The following SUPT7L variants were observed in gnomAD, a reference collection of about 807,000 sequenced individuals.
The protein encoded by SUPT7L is STAGA complex 65 subunit gamma.
In SUPT7L, 15 loss-of-function variants were observed where a neutral mutation model predicts 35.7. That is an observed-to-expected ratio of 0.42 (90% CI 0.28 to 0.65). The LOEUF (loss-of-function observed/expected upper bound fraction) is 0.65, where lower values mean the gene tolerates loss of function less well. SUPT7L is among the 30% of genes least tolerant of loss of function. SUPT7L has a pLI of 0.23. For synonymous variants in SUPT7L, 168 were observed against 186.2 expected (o/e 0.90, Z 0.79); for missense variants, 434 against 522.2 (o/e 0.83, Z 1.65).
rs920449991 is a variant in SUPT7L, at chr2:27,652,144, T to C, written c.*1341A>G. On this transcript the variant is annotated 3_prime_UTR_variant, in exon 6 of 6. Transcript: ENST00000337768. The stretch of plus-strand genomic sequence containing the variant: ...GCCTGGGTGACAGAGCAAGACTCCA[T>C]CTCAAAAATAAATAAATAAATAAAT... 1.2e-4 allele frequency: 17 copies of C among 147,530 alleles called. No individual in the cohort carries two copies. Among genetic ancestry groups the C allele is most frequent in the African/African-American group, 4.2e-4 (17 of 40,782 alleles). 9.1% of individuals were successfully genotyped at this position (147,530 alleles called of 1,614,324 possible). A position where few individuals can be genotyped will look rare whatever the true frequency, so the allele number is the denominator to read the frequency against.
chr2:27,646,379 A>G (rs1558492708), downstream of SUPT7L, among the ~76,000 whole-genome samples: 3 of 152,198 alleles, frequency 2.0e-5, no homozygotes, highest in Admixed American at 2.0e-4. Context: ...AACCTTCTTC[A>G]TTACTGTTGA....
Position 27,661,351 on chromosome 2 carries a change from TG to T in SUPT7L, c.51del (p.Asn18ThrfsTer52). ...WGEIPISSSQ[T>X]NRSSFDLLPR... ...GGGAGCAAATCGAAGGAACTTCTGTTGGTCTGGCTTGATGATATTGGTATCT... is the reference window on the plus strand; with the variant it reads ...GGGAGCAAATCGAAGGAACTTCTGTTGTCTGGCTTGATGATATTGGTATCT... On this transcript the variant is annotated frameshift_variant, in exon 3 of 6. Transcript: ENST00000337768. LOFTEE classifies it high-confidence loss of function. The T allele has an allele frequency of 6.2e-7, 1 of 1,614,072 alleles. No homozygotes were observed. The highest frequency in any genetic ancestry group is 8.5e-7 in the Non-Finnish European group (1 of 1,180,018).
downstream of SUPT7L, chr2:27,650,050 T>TG: frequency 1.1e-6 from 1 of 869,652 alleles, no homozygotes; most frequent in Non-Finnish European, 2.0e-6. Context: ...GATGGATGGG[T>TG]GACGGGCTCT....
the SUPT7L span, among the ~76,000 whole-genome samples, chr2:27,645,048 G>A: frequency 6.6e-6 from 1 of 152,016 alleles, no homozygotes; most frequent in Admixed American, 6.6e-5. Flanking sequence ...GCTCCCTGCA[G>A]CCTCGAACTA....
At chr2:27,648,948 C>A (rs1177500568), downstream of SUPT7L, among the ~76,000 whole-genome samples, 2 of 150,936 alleles carry the variant, frequency 1.3e-5, no homozygotes, top group Admixed American at 1.3e-4. Context: ...GAATCTGATT[C>A]TTGAAACAAC....
intron 3 of SUPT7L, among the ~76,000 whole-genome samples, chr2:27,659,629 G>A (rs1487039617): frequency 6.6e-6 from 1 of 152,026 alleles, no homozygotes; most frequent in Admixed American, 6.5e-5. Context: ...CTTATTAAAT[G>A]GTACTTAATG....
rs1674651297 is a variant in SUPT7L at position 27,653,482 on chromosome 2, CTTTTA to C, written c.1243_*2del. 1 of 1,612,566 alleles carries C rather than the reference CTTTTA, an allele frequency of 6.2e-7. No homozygotes were observed. The highest frequency in any genetic ancestry group is 1.1e-5 in the South Asian group (1 of 91,046). On this transcript the variant is annotated stop_lost and 3_prime_UTR_variant, in exon 6 of 6. Coordinates refer to ENST00000337768, the MANE Select transcript of SUPT7L (RefSeq NM_014860.3). ...CTGGACAAAACATCTCCCTCTTTTC[CTTTTA>C]TATTTTCCTCATCCTCTTCTTGCAG...
intron 5 of SUPT7L, 96 bp from the exon 6 acceptor site, chr2:27,653,843 C>T: frequency 6.9e-7 from 1 of 1,445,710 alleles, no homozygotes. Context: ...AACTAATATG[C>T]TTTGAGCTCA....
At chr2:27,645,902 G>C (rs751231174), downstream of SUPT7L, among the ~76,000 whole-genome samples, 37 of 151,940 alleles carry the variant, frequency 2.4e-4, no homozygotes, top group South Asian at 4.2e-4. Flanking sequence ...GCTAAATTTT[G>C]TATTTTTAGT....
At chr2:27,653,831 C>G (rs1451798132) in intron 5 of SUPT7L, 84 bp from the exon 6 acceptor site, 1 of 1,518,178 alleles carries the variant, frequency 6.6e-7, no homozygotes, top group African/African-American at 1.4e-5. Context: ...TCACTCAGAA[C>G]CAACTAATAT....
intron 1 of SUPT7L, among the ~76,000 whole-genome samples, chr2:27,662,854 A>G (rs1405268085): frequency 6.6e-6 from 1 of 151,706 alleles, no homozygotes; most frequent in Non-Finnish European, 1.5e-5. Flanking sequence ...GTCATGGTTC[A>G]CTGCAGCCTC....
At chr2:27,654,297 T>C (rs1674694761) in intron 5 of SUPT7L, among the ~76,000 whole-genome samples, 1 of 152,218 alleles carries the variant, frequency 6.6e-6, no homozygotes, top group African/African-American at 2.4e-5. Context: ...TCTCTCTATG[T>C]ATTCTAGCAA....
rs746602273 is a variant in SUPT7L at position 27,657,587 on chromosome 2, G to C, written c.502C>G (p.His168Asp). Residue 168 changes from histidine (H) to aspartate (D), a missense_variant, in exon 4 of 6, where the codon CAC becomes GAC. Physicochemically the swap from His to Asp is moderately conservative, Grantham distance 81. Transcript: ENST00000337768. The surrounding 1 kb of genome is among the most constrained non-coding windows in gnomAD (Gnocchi z 5.2). Reference sequence around the variant, plus strand: ...TCATTAGCACAGTCAAAGCCCGCGTGGGCCAGGATTGTGGCCACTGCCTGG... The same window carrying C: ...TCATTAGCACAGTCAAAGCCCGCGTCGGCCAGGATTGTGGCCACTGCCTGG... ...LYQAVATILA[H>D]AGFDCANESV... The C allele has an allele frequency of 7.4e-6, 12 of 1,614,248 alleles. No individual in the cohort carries two copies. The Admixed American group carries it at 2.0e-4, about 27-fold the overall frequency.
chr2:27,662,062 G>A, intron 2 of SUPT7L, 117 bp downstream of exon 2: 1 of 1,393,872 alleles, frequency 7.2e-7, no homozygotes, highest in Non-Finnish European at 1.0e-6. Context: ...TCTCTACACT[G>A]CTGCTAGACT....
chr2:27,651,014 A>C lies in SUPT7L; in HGVS notation c.*2471T>G, dbSNP rs1674512175. 6.6e-6 allele frequency: 1 copy of C among 152,416 alleles called. No homozygotes were observed. The highest frequency in any genetic ancestry group is 2.4e-5 in the African/African-American group (1 of 41,468). 9.4% of individuals were successfully genotyped at this position (152,416 alleles called of 1,614,324 possible). On this transcript the variant is annotated 3_prime_UTR_variant, in exon 6 of 6. Coordinates refer to ENST00000337768, the MANE Select transcript of SUPT7L (RefSeq NM_014860.3). Reference sequence around the variant, plus strand: ...CCACGTGCACATACTGACTAAATACAGAGCTAGGCCCAGTTTGTATTGTAC... The same window carrying C: ...CCACGTGCACATACTGACTAAATACCGAGCTAGGCCCAGTTTGTATTGTAC...
chr2:27,656,839 A>G (rs1056419551), intron 4 of SUPT7L, among the ~76,000 whole-genome samples: 2 of 151,978 alleles, frequency 1.3e-5, no homozygotes, highest in African/African-American at 4.8e-5. Flanking sequence ...GGGTCTCACT[A>G]TATTGTCCAG....
chr2:27,660,660 A>AT (rs1246004647), intron 3 of SUPT7L, among the ~76,000 whole-genome samples: 6 of 151,890 alleles, frequency 4.0e-5, no homozygotes, highest in Admixed American at 1.3e-4. Flanking sequence ...TAAACCCATA[A>AT]TTTTTTTTTA....
chr2:27,654,278 G>T (rs1469337490), intron 5 of SUPT7L, among the ~76,000 whole-genome samples: 1 of 152,104 alleles, frequency 6.6e-6, no homozygotes, highest in Non-Finnish European at 1.5e-5. Flanking sequence ...TTTCTCTTTG[G>T]CCCTCGCATC....
intron 5 of SUPT7L, among the ~76,000 whole-genome samples, chr2:27,654,064 C>T (rs903801614): frequency 1.3e-5 from 2 of 152,156 alleles, no homozygotes; most frequent in African/African-American, 2.4e-5. Flanking sequence ...AGCCCAAAGA[C>T]ATGCACAACC....
Sources: allele counts gnomAD v4.1 joint callset (sites outside exome capture counted in the v4.1 genomes callset), GRCh38; gene constraint gnomAD v4.1.1; non-coding constraint Gnocchi (gnomAD v3.1); transcripts MANE v1.5; gene names NCBI Gene and HGNC (gene_info 2026-07-23, HGNC 2026-07-21).